NALF1: variants seen among roughly 807,000 people sequenced by gnomAD.
NALF1 encodes the protein family with sequence similarity 155 member A.
In NALF1, 3 loss-of-function variants were observed where a neutral mutation model predicts 48.4. The ratio of observed to expected loss-of-function variants is 0.06; its 90% CI spans 0.03 to 0.16. The LOEUF (loss-of-function observed/expected upper bound fraction) is 0.16. Ranked by LOEUF, NALF1 falls within the 10% of genes least tolerant of loss-of-function variation. NALF1 has a pLI of 1.00. For missense variants in NALF1, 526 were observed against 571.5 expected, an observed-to-expected ratio of 0.92 and a Z score of 0.81; for synonymous variants, 262 against 245.7, an observed-to-expected ratio of 1.07 and a Z score of -0.62.
chr13:107,414,495 A>T (rs765919369), intron 1 of NALF1, among the ~76,000 whole-genome samples: 8 of 150,430 alleles, frequency 5.3e-5, no homozygotes, highest in Non-Finnish European at 8.9e-5. Context: ...GGAATTTATT[A>T]ATTCTATTAA....
At chr13:107,380,106 C>T (rs1393032803) in intron 1 of NALF1, among the ~76,000 whole-genome samples, 2 of 151,926 alleles carry the variant, frequency 1.3e-5, no homozygotes, top group South Asian at 2.1e-4. Context: ...AAAGTAATAG[C>T]ATCTTTTATA....
chr13:107,425,237 G>T (rs1884259418), intron 1 of NALF1, among the ~76,000 whole-genome samples: 1 of 152,160 alleles, frequency 6.6e-6, no homozygotes, highest in African/African-American at 2.4e-5. Context: ...AGTTGTGGGT[G>T]AAAATTTAGA....
Position 107,543,369 on chromosome 13 carries a change from ATTAAC to A in NALF1, c.915+322308_915+322312del, listed in dbSNP as rs1877044034. 1.3e-5 allele frequency among the ~76,000 whole-genome samples: 2 copies of A among 152,102 alleles called. 1 individual carries two copies. Among genetic ancestry groups the A allele is most frequent in the South Asian group, 4.1e-4 (2 of 4,830 alleles). On this transcript the variant is annotated intron_variant, in intron 1 of 2. Transcript: ENST00000375915. ...ACCACATGTCATGAATTCAATTGTA[ATTAAC>A]TTAAGATACTATTCAGGCTCACTCA... is the stretch of plus-strand genomic sequence containing the variant.
In NALF1 at chr13:107,747,681, T is replaced by C. The variant is rs1257350703; in HGVS notation, c.915+118001A>G. 2.6e-5 allele frequency among the ~76,000 whole-genome samples: 4 copies of C among 152,318 alleles called. No homozygotes were observed. The East Asian group carries it at 7.7e-4, about 29-fold the overall frequency. ...AGATATAGATAACTAAATTATGTCA[T>C]GTAATAGTCCTCTTTTATAGAAAAT... On this transcript the variant is annotated intron_variant, in intron 1 of 2. Coordinates refer to ENST00000375915, the MANE Select transcript of NALF1 (RefSeq NM_001080396.3).
At chr13:107,825,343 A>G (rs1203063859) in intron 1 of NALF1, among the ~76,000 whole-genome samples, 2 of 152,232 alleles carry the variant, frequency 1.3e-5, no homozygotes, top group Admixed American at 1.3e-4. Context: ...ACCTAAATGA[A>G]TAATGCTATT....
chr13:107,826,061 G>A (rs1258365834), intron 1 of NALF1, among the ~76,000 whole-genome samples: 1 of 152,200 alleles, frequency 6.6e-6, no homozygotes, highest in East Asian at 1.9e-4. Context: ...TTACAGGCGT[G>A]AGCCACCATG....
intron 1 of NALF1, among the ~76,000 whole-genome samples, chr13:107,613,040 C>T (rs772260102): frequency 5.3e-5 from 8 of 151,534 alleles, no homozygotes; most frequent in Admixed American, 2.0e-4. Context: ...AAATGAGTCC[C>T]GCCTCCCCTG....
intron 1 of NALF1, among the ~76,000 whole-genome samples, chr13:107,268,684 T>C (rs1253570867): frequency 6.6e-6 from 1 of 152,178 alleles, no homozygotes; most frequent in African/African-American, 2.4e-5. Context: ...TAGATGATAT[T>C]CTTTAAAAAG....
At chr13:107,488,266 A>G (rs1885361734) in intron 1 of NALF1, among the ~76,000 whole-genome samples, 1 of 144,672 alleles carries the variant, frequency 6.9e-6, no homozygotes, top group African/African-American at 2.5e-5. Context: ...TCCTGTCTCT[A>G]TCTCCTTCAG....
intron 1 of NALF1, among the ~76,000 whole-genome samples, chr13:107,808,101 A>G (rs1376818951): frequency 2.6e-5 from 4 of 152,148 alleles, no homozygotes; most frequent in African/African-American, 9.7e-5. Flanking sequence ...ACAAGAATCG[A>G]TAACAAGGGT....
chr13:107,817,427 A>G (rs1879200154), intron 1 of NALF1, among the ~76,000 whole-genome samples: 1 of 152,216 alleles, frequency 6.6e-6, no homozygotes, highest in Non-Finnish European at 1.5e-5. Flanking sequence ...GAGGACACAC[A>G]GCCAGAGCTA....
intron 1 of NALF1, among the ~76,000 whole-genome samples, chr13:107,579,334 G>A (rs543907551): frequency 5.9e-5 from 9 of 152,128 alleles, no homozygotes; most frequent in Non-Finnish European, 1.2e-4. Context: ...CAGATGATCC[G>A]CCTGCCTAGG....
intron 1 of NALF1, among the ~76,000 whole-genome samples, chr13:107,583,404 T>G (rs1184196115): frequency 6.6e-6 from 1 of 152,162 alleles, no homozygotes; most frequent in Non-Finnish European, 1.5e-5. Flanking sequence ...CACTTTTAAG[T>G]TATGAAATAT....
intron 1 of NALF1, among the ~76,000 whole-genome samples, chr13:107,477,061 GTCATCT>G (rs1885185745): frequency 6.6e-6 from 1 of 152,042 alleles, no homozygotes; most frequent in Admixed American, 6.6e-5. Flanking sequence ...TGAAATAAAA[GTCATCT>G]TTGTCTTCTA....
At chr13:107,693,179 T>C (rs934636487) in intron 1 of NALF1, among the ~76,000 whole-genome samples, 4 of 152,122 alleles carry the variant, frequency 2.6e-5, no homozygotes, top group African/African-American at 9.7e-5. Context: ...TGCAGGGACA[T>C]GCATGGAGTT....
intron 1 of NALF1, among the ~76,000 whole-genome samples, chr13:107,504,477 T>A (rs1875632896): frequency 6.6e-6 from 1 of 152,176 alleles, no homozygotes; most frequent in Non-Finnish European, 1.5e-5. Flanking sequence ...TTAATCTGAT[T>A]CACTACAGTA....
intron 1 of NALF1, among the ~76,000 whole-genome samples, chr13:107,559,396 AAT>A (rs1349089849): frequency 6.6e-6 from 1 of 152,240 alleles, no homozygotes; most frequent in African/African-American, 2.4e-5. Context: ...ACAATGTTAG[AAT>A]AAAGGAAGAA....
At chr13:107,212,530 T>C (rs558423035) in intron 1 of NALF1, among the ~76,000 whole-genome samples, 2 of 152,206 alleles carry the variant, frequency 1.3e-5, no homozygotes, top group South Asian at 2.1e-4. Flanking sequence ...GGGGGACAGG[T>C]GAAGGTGGAG....
chr13:107,807,996 T>C (rs1006691630), intron 1 of NALF1, among the ~76,000 whole-genome samples: 1 of 152,066 alleles, frequency 6.6e-6, no homozygotes, highest in Admixed American at 6.6e-5. Flanking sequence ...TGGGAATATA[T>C]GTGAGTGTGT....
Sources: gnomAD v4.1 joint callset for allele counts (sites outside exome capture counted in the v4.1 genomes callset) on GRCh38, gnomAD v4.1.1 for gene constraint, MANE v1.5 for transcripts, NCBI Gene and HGNC (gene_info 2026-07-23, HGNC 2026-07-21) for gene names.